The following CHN2 variants were observed in gnomAD, a reference collection of about 807,000 sequenced individuals.
CHN2 encodes chimerin 2, also known as beta-chimaerin.
Under a neutral mutation model 56.3 loss-of-function variants are expected in CHN2, and 35 were observed. The ratio of observed to expected loss-of-function variants is 0.62; its 90% CI spans 0.47 to 0.82. The LOEUF (loss-of-function observed/expected upper bound fraction) is 0.82, where lower values mean the gene tolerates loss of function less well. Ranked by LOEUF, CHN2 falls within the 40% of genes least tolerant of loss-of-function variation. The pLI is 0.00. For missense variants in CHN2, 491 were observed against 580.5 expected (o/e 0.85, Z 1.58); for synonymous variants, 210 against 212.8 (o/e 0.99, Z 0.12).
chr7:29,352,191 G>C (rs28432849), intron 1 of CHN2, among the ~76,000 whole-genome samples: 1 of 152,088 alleles, frequency 6.6e-6, no homozygotes. Context: ...GACCTTCCCC[G>C]AGTATATAGA....
At chr7:29,501,792 A>T (rs966549503) in intron 9 of CHN2, among the ~76,000 whole-genome samples, 7 of 152,026 alleles carry the variant, frequency 4.6e-5, no homozygotes, top group African/African-American at 1.7e-4. Flanking sequence ...TTCCATCCAT[A>T]AAAAATCCTT....
chr7:29,215,010 A>G (rs34526785), intron 1 of CHN2, among the ~76,000 whole-genome samples: 20,114 of 152,158 alleles, frequency 0.13, 1,698 homozygotes, highest in Non-Finnish European at 0.19. Flanking sequence ...AGCTACTAGC[A>G]GAGACACTGC....
intron 1 of CHN2, among the ~76,000 whole-genome samples, chr7:29,299,423 A>C (rs910779573): frequency 2.0e-5 from 3 of 152,174 alleles, no homozygotes; most frequent in Non-Finnish European, 4.4e-5. Flanking sequence ...AAGGATTTGC[A>C]GTCAGGTTGA....
At chr7:29,469,518 T>G (rs893910857) in intron 6 of CHN2, among the ~76,000 whole-genome samples, 2 of 152,182 alleles carry the variant, frequency 1.3e-5, no homozygotes, top group African/African-American at 4.8e-5. Context: ...TTCCTGATCT[T>G]TGCTATTTCT....
chr7:29,393,658 T>C, intron 3 of CHN2, 21 bp from the exon 4 acceptor site: 1 of 874,108 alleles, frequency 1.1e-6, no homozygotes, highest in Non-Finnish European at 1.7e-6. Context: ...CATTATTAAT[T>C]TTTTTTTCTT....
intron 6 of CHN2, among the ~76,000 whole-genome samples, chr7:29,455,409 G>A (rs1784677971): frequency 6.6e-6 from 1 of 152,162 alleles, no homozygotes; most frequent in South Asian, 2.1e-4. Flanking sequence ...TCGCGGCACA[G>A]TTGAGGACAC....
intron 12 of CHN2, among the ~76,000 whole-genome samples, chr7:29,512,344 A>G (rs187963562): frequency 2.0e-5 from 3 of 152,336 alleles, no homozygotes; most frequent in East Asian, 3.9e-4. Context: ...CCAGATTCAC[A>G]TAAGTAATTC....
chr7:29,150,363 A>G (rs1213311072), intron 2 of CHN2, among the ~76,000 whole-genome samples: 1 of 152,378 alleles, frequency 6.6e-6, no homozygotes, highest in East Asian at 1.9e-4. Flanking sequence ...GGCTCAAAAA[A>G]TGGCAGCTGT....
chr7:29,455,983 G>T (rs1454051740), intron 6 of CHN2, among the ~76,000 whole-genome samples: 1 of 152,170 alleles, frequency 6.6e-6, no homozygotes, highest in Non-Finnish European at 1.5e-5. Context: ...GTCCTTGGGG[G>T]AATGAGTTCA....
chr7:29,263,854 G>GC (rs1349605664), intron 1 of CHN2, among the ~76,000 whole-genome samples: 1 of 151,412 alleles, frequency 6.6e-6, no homozygotes, highest in Admixed American at 6.6e-5. Flanking sequence ...GAAGTGAGGA[G>GC]CCCCTCCGCC....
intron 1 of CHN2, among the ~76,000 whole-genome samples, chr7:29,268,285 C>CG (rs1023703879): frequency 7.2e-6 from 1 of 139,646 alleles, no homozygotes; most frequent in African/African-American, 3.0e-5. Context: ...TTCACCAGAA[C>CG]ACACACACAC....
intron 6 of CHN2, among the ~76,000 whole-genome samples, chr7:29,468,421 T>G (rs1426347311): frequency 6.6e-6 from 1 of 152,074 alleles, no homozygotes. Flanking sequence ...GGGAGTGCAC[T>G]GGCCTTGTTC....
intron 1 of CHN2, among the ~76,000 whole-genome samples, chr7:29,263,068 T>A (rs1393211673): frequency 6.6e-6 from 1 of 152,194 alleles, no homozygotes; most frequent in Non-Finnish European, 1.5e-5. Flanking sequence ...ATGGTCTCCC[T>A]CTGATGCCGA....
At chr7:29,511,140 A>C (rs1306350012) in intron 12 of CHN2, among the ~76,000 whole-genome samples, 1 of 23,822 alleles carries the variant, frequency 4.2e-5, no homozygotes, top group African/African-American at 1.4e-4. Context: ...TAGTATGTGA[A>C]AAGAAGCAAA....
At chr7:29,387,240 T>G (rs886171468) in intron 3 of CHN2, among the ~76,000 whole-genome samples, 1 of 152,130 alleles carries the variant, frequency 6.6e-6, no homozygotes, top group Admixed American at 6.5e-5. Flanking sequence ...GTATCTCATC[T>G]AATCTGTGAA....
chr7:29,409,084 G>A (rs1308193850), intron 6 of CHN2, among the ~76,000 whole-genome samples: 2 of 152,330 alleles, frequency 1.3e-5, no homozygotes, highest in Non-Finnish European at 2.9e-5. Context: ...TTATAGCACA[G>A]ATCAGGCTAC....
At chr7:29,396,754 A>G (rs1585256134) in intron 4 of CHN2, 1 of 35,232 alleles carries the variant, frequency 2.8e-5, no homozygotes, top group Non-Finnish European at 5.2e-5. Context: ...CCGCCAACCC[A>G]TCCGCAAGGC....
At chr7:29,301,808 C>T (rs1298010696) in intron 1 of CHN2, among the ~76,000 whole-genome samples, 1 of 152,212 alleles carries the variant, frequency 6.6e-6, no homozygotes, top group Non-Finnish European at 1.5e-5. Context: ...CTCCCCCTTT[C>T]TCTTCAAATA....
intron 12 of CHN2, among the ~76,000 whole-genome samples, chr7:29,512,123 G>A (rs1408681656): frequency 6.6e-6 from 1 of 151,804 alleles, no homozygotes; most frequent in African/African-American, 2.4e-5. Flanking sequence ...AGCAGAGAGG[G>A]ATCCTGCCCT....
Sources: gnomAD v4.1 joint callset for allele counts (sites outside exome capture counted in the v4.1 genomes callset) on GRCh38, gnomAD v4.1.1 for gene constraint, MANE v1.5 for transcripts, NCBI Gene and HGNC (gene_info 2026-07-23, HGNC 2026-07-21) for gene names.